Variants in SEPTIN9 observed in about 807,000 individuals in gnomAD.
The protein encoded by SEPTIN9 is septin-9.
SEPTIN9 carries 13 observed loss-of-function variants against 56.6 expected under a neutral mutation model. That is an observed-to-expected ratio of 0.23 (90% CI 0.15 to 0.37). The LOEUF (loss-of-function observed/expected upper bound fraction) is 0.37. Among genes scored for constraint, SEPTIN9 ranks in the 10% least tolerant of loss-of-function variants. The pLI is 1.00. For missense variants in SEPTIN9, 650 were observed against 823.1 expected, an observed-to-expected ratio of 0.79 and a Z score of 2.57; for synonymous variants, 332 against 334.1, an observed-to-expected ratio of 0.99 and a Z score of 0.07.
At chr17:77,409,455 A>G (rs1453479902) in intron 3 of SEPTIN9, among the ~76,000 whole-genome samples, 1 of 152,028 alleles carries the variant, frequency 6.6e-6, no homozygotes, top group East Asian at 1.9e-4. Flanking sequence ...TGGTCCGGGA[A>G]TGCAGCGGGT....
chr17:77,472,403 C>T (rs2039039036), intron 3 of SEPTIN9: 1 of 152,338 alleles, frequency 6.6e-6, no homozygotes, highest in Admixed American at 6.5e-5. Context: ...CCGCCCCCTG[C>T]CTCGGGGGCG....
At chr17:77,303,688 GTAATAA>G (rs113943617) in intron 1 of SEPTIN9, among the ~76,000 whole-genome samples, 14 of 150,662 alleles carry the variant, frequency 9.3e-5, no homozygotes, top group East Asian at 3.9e-4. Flanking sequence ...CTCAAAAGTA[GTAATAA>G]TAATAATAAT....
chr17:77,341,450 T>G (rs2048559567), intron 2 of SEPTIN9, among the ~76,000 whole-genome samples: 2 of 152,210 alleles, frequency 1.3e-5, no homozygotes, highest in Non-Finnish European at 2.9e-5. Context: ...TGGCTCGTCA[T>G]GCCCCAAAAA....
At chr17:77,335,466 T>G (rs1438815169) in intron 2 of SEPTIN9, among the ~76,000 whole-genome samples, 1 of 151,458 alleles carries the variant, frequency 6.6e-6, no homozygotes, top group Non-Finnish European at 1.5e-5. Context: ...GGTCTTGTAT[T>G]AGTATATGTA....
rs138158034 is a variant in SEPTIN9 at position 77,421,847 on chromosome 17, A to G, written c.721+19144A>G. 9.3e-3 allele frequency among the ~76,000 whole-genome samples: 1,421 copies of G among 152,054 alleles called. 20 individuals are homozygous for G. The highest frequency in any genetic ancestry group is 0.032 in the African/African-American group (1,332 of 41,494). On this transcript the variant is annotated intron_variant, in intron 3 of 11. Transcript: ENST00000427177. The surrounding 1 kb of genome is among the most constrained non-coding windows in gnomAD (Gnocchi z 4.6). Reference sequence around the variant, plus strand: ...CTGGCCGAAGGTTCTGCTAAGCTCCATGGAGTGTAGGGATTTTTTTTGAGA... The same window carrying G: ...CTGGCCGAAGGTTCTGCTAAGCTCCGTGGAGTGTAGGGATTTTTTTTGAGA...
intron 2 of SEPTIN9, among the ~76,000 whole-genome samples, chr17:77,358,652 T>TA (rs2034327371): frequency 6.6e-6 from 1 of 151,962 alleles, no homozygotes; most frequent in South Asian, 2.1e-4. Context: ...AAATAATAAA[T>TA]AAATAAAATA....
In SEPTIN9 at chr17:77,402,043, T is replaced by C; in HGVS notation, c.77-16T>C. On this transcript the variant is annotated splice_polypyrimidine_tract_variant and intron_variant, in intron 2 of 11. Transcript: ENST00000427177. This position sits in a 1 kb window ranked among gnomAD's most constrained non-coding sequence, Gnocchi z 6.6. ...CCATCCATTCACCAATTGCATCCCCTCTCTTTATTTTTCAGCCTTGAAAAG... is the reference window on the plus strand; with the variant it reads ...CCATCCATTCACCAATTGCATCCCCCCTCTTTATTTTTCAGCCTTGAAAAG... 6.2e-7 allele frequency: 1 copy of C among 1,606,514 alleles called. No homozygotes were observed. Among genetic ancestry groups the C allele is most frequent in the Non-Finnish European group, 8.5e-7 (1 of 1,174,588 alleles).
intron 3 of SEPTIN9, among the ~76,000 whole-genome samples, chr17:77,478,744 C>T (rs1373516142): frequency 2.0e-5 from 3 of 148,042 alleles, no homozygotes; most frequent in Non-Finnish European, 3.0e-5. Context: ...GCAGAGGTTT[C>T]GGTGAGCCGA....
intron 3 of SEPTIN9, among the ~76,000 whole-genome samples, chr17:77,409,984 C>T (rs2036235891): frequency 6.6e-6 from 1 of 152,196 alleles, no homozygotes; most frequent in Admixed American, 6.5e-5. Context: ...CTGAGAGCTG[C>T]AGGGAGGCGC....
intron 2 of SEPTIN9, among the ~76,000 whole-genome samples, chr17:77,321,063 C>A (rs2032901242): frequency 6.6e-6 from 1 of 152,232 alleles, no homozygotes; most frequent in Admixed American, 6.5e-5. Context: ...CACTCACATG[C>A]GGTGCCGTGG....
chr17:77,395,325 A>T (rs1370248527), intron 2 of SEPTIN9, among the ~76,000 whole-genome samples: 2 of 152,080 alleles, frequency 1.3e-5, no homozygotes, highest in Non-Finnish European at 2.9e-5. Flanking sequence ...CAGCAGATTG[A>T]GACCATCCTG....
rs577910357 is a variant in SEPTIN9 at position 77,371,024 on chromosome 17, G to GA, written c.77-31027dup. Among the ~76,000 whole-genome samples, 135 of 151,910 alleles carry GA rather than the reference G, an allele frequency of 8.9e-4. No homozygotes were observed. Among genetic ancestry groups the GA allele is most frequent in the African/African-American group, 1.2e-3 (48 of 41,454 alleles). On this transcript the variant is annotated intron_variant, in intron 2 of 11. Coordinates refer to ENST00000427177, the MANE Select transcript of SEPTIN9 (RefSeq NM_001113491.2). This position sits in a 1 kb window ranked among gnomAD's most constrained non-coding sequence, Gnocchi z 4.1. ...TGTTTCCCATCTCCTCTGAGGACAG[G>GA]AAAAAAAAGGAAATAAATGATGTAC...
intron 2 of SEPTIN9, among the ~76,000 whole-genome samples, chr17:77,382,375 T>C (rs542443775): frequency 3.3e-5 from 5 of 152,354 alleles, no homozygotes; most frequent in Non-Finnish European, 7.3e-5. Context: ...GAAGACTGTA[T>C]GTCTGTGCCT....
In SEPTIN9 at chr17:77,359,004, C is replaced by G. The variant is rs772116546; in HGVS notation, c.77-43055C>G. Among the ~76,000 whole-genome samples the G allele has an allele frequency of 7.2e-5, 11 of 152,306 alleles. 1 individual carries two copies. The highest frequency in any genetic ancestry group is 5.8e-4 in the East Asian group (3 of 5,186). On this transcript the variant is annotated intron_variant, in intron 2 of 11. Transcript: ENST00000427177. ...CGACACACAGCTTCCATCTCTTGAGCTGAGATGGTTCCAGCTCCTGCCGTC... is the reference window on the plus strand; with the variant it reads ...CGACACACAGCTTCCATCTCTTGAGGTGAGATGGTTCCAGCTCCTGCCGTC...
intron 10 of SEPTIN9, among the ~76,000 whole-genome samples, chr17:77,494,125 C>T (rs974585209): frequency 1.3e-5 from 2 of 151,498 alleles, no homozygotes; most frequent in African/African-American, 4.9e-5. Flanking sequence ...GGACTTAGGG[C>T]CTACCCTAAG....
chr17:77,451,710 C>T lies in SEPTIN9; in HGVS notation c.722-30434C>T, dbSNP rs1275511345. On this transcript the variant is annotated intron_variant, in intron 3 of 11. Coordinates refer to ENST00000427177, the MANE Select transcript of SEPTIN9 (RefSeq NM_001113491.2). This position sits in a 1 kb window ranked among gnomAD's most constrained non-coding sequence, Gnocchi z 4.2. ...TCCCCAGGAGAGGGGTGGCGGGGAG[C>T]TCGATCTCCACGCGGGGACCAGATT... Among the ~76,000 whole-genome samples, 2 of 152,288 alleles carry T rather than the reference C, an allele frequency of 1.3e-5. No individual in the cohort carries two copies. The highest frequency in any genetic ancestry group is 3.9e-4 in the East Asian group (2 of 5,160).
At chr17:77,374,025 AGTGGACAGCCGCGTCCTGCTCGG>A in intron 2 of SEPTIN9, 1 of 154,766 alleles carries the variant, frequency 6.5e-6, no homozygotes, top group Admixed American at 6.5e-5. Context: ...CCTCCGACTG[AGTGGACAGCCGCGTCCTGCTCGG>A]GTGGACAGCC....
rs2033206006 is a variant in SEPTIN9 at position 77,327,941 on chromosome 17, G to A, written c.76+20744G>A. Among the ~76,000 whole-genome samples the A allele has an allele frequency of 6.6e-6, 1 of 152,038 alleles. No homozygotes were observed. The highest frequency in any genetic ancestry group is 6.5e-5 in the Admixed American group (1 of 15,272). On this transcript the variant is annotated intron_variant, in intron 2 of 11. Transcript: ENST00000427177. This position sits in a 1 kb window ranked among gnomAD's most constrained non-coding sequence, Gnocchi z 5.0. ...GTCCCCGTGCCTAGGGCATCCCGAT[G>A]CTCAGAGTTTCCCCGTGCCCAGTGT...
At chr17:77,458,423 C>T (rs2038313092) in intron 3 of SEPTIN9, among the ~76,000 whole-genome samples, 1 of 152,334 alleles carries the variant, frequency 6.6e-6, no homozygotes, top group South Asian at 2.1e-4. Context: ...TCTAAAACCT[C>T]AGCGAGGTCT....
Sources: gnomAD v4.1 joint callset for allele counts (sites outside exome capture counted in the v4.1 genomes callset) on GRCh38, gnomAD v4.1.1 for gene constraint, Gnocchi (gnomAD v3.1) non-coding constraint, MANE v1.5 for transcripts, NCBI Gene and HGNC (gene_info 2026-07-23, HGNC 2026-07-21) for gene names.